FAM168A: variants seen among roughly 807,000 people sequenced by gnomAD.
The protein encoded by FAM168A is family with sequence similarity 168 member A, also known as protein FAM168A.
FAM168A carries 3 observed loss-of-function variants against 28.5 expected under a neutral mutation model. That is an observed-to-expected ratio of 0.11 (90% CI 0.05 to 0.27). The LOEUF is 0.27. Ranked by LOEUF, FAM168A falls within the 10% of genes least tolerant of loss-of-function variation. The pLI is 1.00. For synonymous variants in FAM168A, 122 were observed against 124.2 expected (o/e 0.98, Z 0.12); for missense variants, 222 against 311.5 (o/e 0.71, Z 2.16).
intron 1 of FAM168A, among the ~76,000 whole-genome samples, chr11:73,519,126 A>T (rs1457929063): frequency 3.9e-5 from 6 of 152,128 alleles, no homozygotes; most frequent in African/African-American, 1.4e-4. Context: ...ACAATCTCCC[A>T]TCCCACATGC....
intron 3 of FAM168A, among the ~76,000 whole-genome samples, chr11:73,429,547 A>T (rs1866947577): frequency 1.3e-5 from 2 of 152,116 alleles, no homozygotes; most frequent in Non-Finnish European, 2.9e-5. Flanking sequence ...TACGTTCCTC[A>T]CAGTGTCATG....
chr11:73,562,549 T>G (rs1168112253), intron 1 of FAM168A, among the ~76,000 whole-genome samples: 5 of 152,124 alleles, frequency 3.3e-5, no homozygotes, highest in African/African-American at 7.2e-5. Flanking sequence ...AAGGTTGGCC[T>G]GGCACGATCG....
chr11:73,574,230 C>G (rs1228955807), intron 1 of FAM168A, among the ~76,000 whole-genome samples: 1 of 152,178 alleles, frequency 6.6e-6, no homozygotes, highest in Admixed American at 6.5e-5. Flanking sequence ...GGCATTTTCA[C>G]ATTCATTATC....
chr11:73,558,758 A>G (rs1417652422), intron 1 of FAM168A, among the ~76,000 whole-genome samples: 1 of 152,198 alleles, frequency 6.6e-6, no homozygotes, highest in African/African-American at 2.4e-5. Context: ...TGCCATACTC[A>G]TTACAATAGC....
intron 3 of FAM168A, chr11:73,425,000 T>G (rs776610962): frequency 1.3e-6 from 2 of 1,519,574 alleles, no homozygotes; most frequent in East Asian, 4.9e-5. Flanking sequence ...GTAATACAGA[T>G]GAGGAAAAAT....
intron 1 of FAM168A, among the ~76,000 whole-genome samples, chr11:73,584,092 G>A (rs1439658920): frequency 6.6e-6 from 1 of 152,002 alleles, no homozygotes; most frequent in Non-Finnish European, 1.5e-5. Context: ...CTGGGGCAGG[G>A]GATTATGGAG....
rs1555027764 is a variant in FAM168A at position 73,496,903 on chromosome 11, A to ACG, written c.-18-28412_-18-28411insCG. 2.9e-3 allele frequency among the ~76,000 whole-genome samples: 427 copies of ACG among 148,578 alleles called. 1 individual carries two copies. Among genetic ancestry groups the ACG allele is most frequent in the Admixed American group, 6.0e-3 (90 of 14,998 alleles). ...CACACACACACACACACACACACAC[A>ACG]CACGCACACACACGCACACACACAC... On this transcript the variant is annotated intron_variant, in intron 1 of 7. Coordinates refer to ENST00000356467, the MANE Select transcript of FAM168A (RefSeq NM_015159.3).
At chr11:73,571,873 G>A (rs1487914021) in intron 1 of FAM168A, among the ~76,000 whole-genome samples, 3 of 151,806 alleles carry the variant, frequency 2.0e-5, no homozygotes, top group Non-Finnish European at 2.9e-5. Flanking sequence ...CGTCTGAGAT[G>A]TGGGGAGCGC....
intron 3 of FAM168A, among the ~76,000 whole-genome samples, chr11:73,422,584 T>C (rs1480849716): frequency 1.3e-5 from 2 of 152,236 alleles, no homozygotes; most frequent in Non-Finnish European, 2.9e-5. Flanking sequence ...CTGAAGCTTT[T>C]AGAGGCATGG....
rs544341672 is a variant in FAM168A, at chr11:73,526,397, T to G, written c.-18-57905A>C. On this transcript the variant is annotated intron_variant, in intron 1 of 7. Transcript: ENST00000356467. ...ATGTTCCTAGTGAAAATCAGAAACC[T>G]AAAAATAAAAGGGCTTTCTTGTGCC... 5.9e-5 allele frequency among the ~76,000 whole-genome samples: 9 copies of G among 152,240 alleles called. No homozygotes were observed. In the East Asian group the frequency reaches 1.7e-3, roughly 29 times the overall value.
intron 1 of FAM168A, among the ~76,000 whole-genome samples, chr11:73,597,196 T>C (rs1031173046): frequency 2.0e-5 from 3 of 151,784 alleles, no homozygotes; most frequent in Non-Finnish European, 4.4e-5. Context: ...ATGTCCCACC[T>C]CCACCAACTC....
intron 3 of FAM168A, among the ~76,000 whole-genome samples, chr11:73,427,882 C>T (rs1056171278): frequency 1.3e-5 from 2 of 152,150 alleles, no homozygotes; most frequent in Non-Finnish European, 2.9e-5. Context: ...CAGATGGGCC[C>T]CCCAATGTGA....
At chr11:73,594,419 T>G (rs943231031) in intron 1 of FAM168A, among the ~76,000 whole-genome samples, 1 of 151,046 alleles carries the variant, frequency 6.6e-6, no homozygotes, top group African/African-American at 2.4e-5. Context: ...GTTTTTGAGG[T>G]TTTTTTGTGT....
chr11:73,592,864 G>C (rs1229567247), intron 1 of FAM168A, among the ~76,000 whole-genome samples: 7 of 100,690 alleles, frequency 7.0e-5, no homozygotes, highest in African/African-American at 2.0e-4. Flanking sequence ...GCGAGACCCT[G>C]TCTCTACCAA....
At chr11:73,588,900 G>A (rs922534694) in intron 1 of FAM168A, among the ~76,000 whole-genome samples, 1 of 152,132 alleles carries the variant, frequency 6.6e-6, no homozygotes, top group Non-Finnish European at 1.5e-5. Context: ...AGACACCAGA[G>A]AGCTTGCCTG....
intron 2 of FAM168A, among the ~76,000 whole-genome samples, chr11:73,449,825 T>G (rs973239691): frequency 1.3e-5 from 2 of 152,254 alleles, no homozygotes; most frequent in Non-Finnish European, 2.9e-5. Flanking sequence ...TTCTCCTTGG[T>G]AGACAGAGAC....
chr11:73,565,335 A>T (rs1222860497), intron 1 of FAM168A, among the ~76,000 whole-genome samples: 2 of 152,244 alleles, frequency 1.3e-5, no homozygotes, highest in African/African-American at 4.8e-5. Flanking sequence ...TACCAAACAC[A>T]GTAAGCTAAA....
chr11:73,449,744 A>G (rs1349876784), intron 2 of FAM168A, among the ~76,000 whole-genome samples: 1 of 152,252 alleles, frequency 6.6e-6, no homozygotes, highest in African/African-American at 2.4e-5. Context: ...GCATAAGGCA[A>G]CAGAGTCCAA....
intron 2 of FAM168A, among the ~76,000 whole-genome samples, chr11:73,433,928 C>T (rs912608386): frequency 3.4e-5 from 5 of 148,004 alleles, no homozygotes; most frequent in African/African-American, 1.3e-4. Flanking sequence ...TCACTGCAAC[C>T]TCTGCCTCCC....
Sources: gnomAD v4.1 joint callset for allele counts (sites outside exome capture counted in the v4.1 genomes callset) on GRCh38, gnomAD v4.1.1 for gene constraint, MANE v1.5 for transcripts, NCBI Gene and HGNC (gene_info 2026-07-23, HGNC 2026-07-21) for gene names.